Variants in SHANK2 observed in about 807,000 individuals in gnomAD.
SHANK2 encodes the protein SH3 and multiple ankyrin repeat domains 2.
A neutral mutation model predicts 133.7 loss-of-function variants in SHANK2; 43 were observed. The observed-to-expected ratio is 0.32, with a 90% CI of 0.25 to 0.41. The LOEUF (loss-of-function observed/expected upper bound fraction) is 0.41. Ranked by LOEUF, SHANK2 falls within the 10% of genes least tolerant of loss-of-function variation. SHANK2 has a pLI of 1.00. For synonymous variants in SHANK2, 1,017 were observed against 952.8 expected (o/e 1.07, Z -1.24); for missense variants, 1,994 against 2,235.8 (o/e 0.89, Z 2.18).
chr11:70,599,909 A>AAAAGAAAGAAAG lies in SHANK2; in HGVS notation c.2061+59918_2061+59919insCTTTCTTTCTTT, dbSNP rs1565166311. Among the ~76,000 whole-genome samples, 155 of 37,496 alleles carry AAAAGAAAGAAAG rather than the reference A, an allele frequency of 4.1e-3. 2 individuals carry two copies. The highest frequency in any genetic ancestry group is 8.8e-3 in the African/African-American group (75 of 8,542). The allele number at this position is 37,496 out of a possible 152,430, so 24.6% of individuals were successfully genotyped here. A position where few individuals can be genotyped will look rare whatever the true frequency, so the allele number is the denominator to read the frequency against. ...AAAGAAAAAGAAAGAAAGAAAGAGA[A>AAAAGAAAGAAAG]AGAAAGAAAGAAAGAAAGAAAGAAA... On this transcript the variant is annotated intron_variant, in intron 17 of 25. Coordinates refer to ENST00000601538, the MANE Select transcript of SHANK2 (RefSeq NM_012309.5).
intron 10 of SHANK2, among the ~76,000 whole-genome samples, chr11:70,903,249 C>T (rs1449522862): frequency 6.6e-6 from 1 of 151,892 alleles, no homozygotes; most frequent in African/African-American, 2.4e-5. Context: ...TGGTGGCTGG[C>T]ACCTGTAATC....
intron 8 of SHANK2, among the ~76,000 whole-genome samples, chr11:71,085,876 TTTATATAACCTTAATATATATATTA>T (rs1951393412): frequency 6.5e-3 from 1 of 154 alleles, no homozygotes; most frequent in African/African-American, 0.013. Context: ...ATATTATATA[TTTATATAACCTTAATATATATATTA>T]ATTATATATT....
At chr11:71,114,465 C>A (rs530848933) in intron 4 of SHANK2, among the ~76,000 whole-genome samples, 1 of 152,212 alleles carries the variant, frequency 6.6e-6, no homozygotes, top group African/African-American at 2.4e-5. Flanking sequence ...TTCTCCACCA[C>A]GCCAAACAAA....
intron 10 of SHANK2, among the ~76,000 whole-genome samples, chr11:70,925,552 C>A (rs1555081424): frequency 6.6e-6 from 1 of 152,226 alleles, no homozygotes; most frequent in Non-Finnish European, 1.5e-5. Context: ...TGAATCAAAT[C>A]ATTCCTATGG....
At chr11:70,702,782 A>G (rs1945565169) in intron 14 of SHANK2, among the ~76,000 whole-genome samples, 1 of 152,262 alleles carries the variant, frequency 6.6e-6, no homozygotes, top group South Asian at 2.1e-4. Context: ...TTACAGAAGT[A>G]GCAGAGTGCA....
intron 13 of SHANK2, among the ~76,000 whole-genome samples, chr11:70,802,803 G>A (rs1948074737): frequency 6.6e-6 from 1 of 152,174 alleles, no homozygotes; most frequent in Admixed American, 6.5e-5. Context: ...CATTGGCAAT[G>A]CTATGTCATG....
chr11:70,643,920 G>C (rs74554279), intron 17 of SHANK2, among the ~76,000 whole-genome samples: 16,847 of 151,830 alleles, frequency 0.11, 1,437 homozygotes, highest in African/African-American at 0.24. Context: ...CAGGTGGAGG[G>C]GGGGGAGGAA....
chr11:70,619,610 C>T (rs1396957702), intron 17 of SHANK2, among the ~76,000 whole-genome samples: 2 of 152,186 alleles, frequency 1.3e-5, no homozygotes, highest in East Asian at 1.9e-4. Context: ...GGGATAAGCA[C>T]GTGGACATCT....
At chr11:71,215,377 T>A (rs1954386254) in intron 2 of SHANK2, among the ~76,000 whole-genome samples, 1 of 152,124 alleles carries the variant, frequency 6.6e-6, no homozygotes. Context: ...ATCTCAAGGC[T>A]TTGTGTCTCC....
intron 17 of SHANK2, chr11:70,603,343 T>A (rs1372992803): frequency 7.2e-5 from 11 of 152,328 alleles, no homozygotes; most frequent in Admixed American, 7.2e-4. Context: ...GCCACAGCCA[T>A]CACCGCTCCT....
intron 17 of SHANK2, among the ~76,000 whole-genome samples, chr11:70,617,222 TGTG>T (rs2060758070): frequency 1.3e-5 from 2 of 151,472 alleles, no homozygotes; most frequent in African/African-American, 2.4e-5. Context: ...CTGAGTGTGT[TGTG>T]TGTGTGTGCA....
intron 14 of SHANK2, among the ~76,000 whole-genome samples, chr11:70,744,366 C>T (rs1348311228): frequency 6.6e-6 from 1 of 152,208 alleles, no homozygotes; most frequent in Non-Finnish European, 1.5e-5. Flanking sequence ...GTGGGGAACC[C>T]TGCCGGGCCC....
chr11:71,159,299 T>C (rs1952964247), intron 2 of SHANK2, among the ~76,000 whole-genome samples: 1 of 152,138 alleles, frequency 6.6e-6, no homozygotes, highest in Non-Finnish European at 1.5e-5. Context: ...TCAAAGTGGG[T>C]CACTCCTATC....
chr11:70,535,979 GCTGGGCCTGAAGCCAGACCAGCCCTA>G lies in SHANK2; in HGVS notation c.2062-33074_2062-33049del, dbSNP rs537523147. ...GGTTGACTGAGGGGGCTGCGTGGGG[GCTGGGCCTGAAGCCAGACCAGCCCTA>G]CAGGGCCCAACTCTCTGCAGGTGCA... is the stretch of plus-strand genomic sequence containing the variant. On this transcript the variant is annotated intron_variant, in intron 17 of 25. Coordinates refer to ENST00000601538, the MANE Select transcript of SHANK2 (RefSeq NM_012309.5). The surrounding 1 kb of genome is among the most constrained non-coding windows in gnomAD (Gnocchi z 4.3). 1.9e-3 allele frequency among the ~76,000 whole-genome samples: 295 copies of G among 152,344 alleles called. 3 individuals are homozygous for G. The highest frequency in any genetic ancestry group is 6.7e-3 in the African/African-American group (278 of 41,582).
chr11:71,170,851 A>C (rs1953299334), intron 2 of SHANK2, among the ~76,000 whole-genome samples: 1 of 152,224 alleles, frequency 6.6e-6, no homozygotes, highest in Non-Finnish European at 1.5e-5. Flanking sequence ...GCTTTAGGAA[A>C]TGCGATGGTC....
chr11:70,525,133 G>C (rs1027815565), intron 17 of SHANK2, among the ~76,000 whole-genome samples: 2 of 152,238 alleles, frequency 1.3e-5, no homozygotes, highest in Non-Finnish European at 2.9e-5. Context: ...AAACAGGGAC[G>C]CGTGTGGAGG....
At chr11:70,863,818 G>C in intron 11 of SHANK2, 2 of 457,774 alleles carry the variant, frequency 4.4e-6, no homozygotes, top group Non-Finnish European at 8.8e-6. Context: ...AGGAAACCTG[G>C]ACAGACAGGA....
At chr11:70,598,720 A>T (rs1770106993) in intron 17 of SHANK2, among the ~76,000 whole-genome samples, 1 of 152,278 alleles carries the variant, frequency 6.6e-6, no homozygotes, top group Non-Finnish European at 1.5e-5. Flanking sequence ...TTACTACATC[A>T]TGACAAGTCG....
Position 70,486,619 on chromosome 11 carries a change from C to G in SHANK2, c.3674G>C (p.Arg1225Pro). 1 of 1,613,430 alleles carries G rather than the reference C, an allele frequency of 6.2e-7. No homozygotes were observed. Among genetic ancestry groups the G allele is most frequent in the Non-Finnish European group, 8.5e-7 (1 of 1,180,018 alleles). The part of the protein sequence containing the change: ...PLALALSARD[R>P]AMKESQQGPK... ...TCCCTGTTGAGACTCCTTCATGGCTCGGTCCCTTGCGGAGAGTGCCAGGGC... is the reference window on the plus strand; with the variant it reads ...TCCCTGTTGAGACTCCTTCATGGCTGGGTCCCTTGCGGAGAGTGCCAGGGC... The change falls in exon 25 of 26, where the codon CGA becomes CCA. Residue 1225 changes from arginine to proline, a missense_variant. Physicochemically the swap from Arg to Pro is moderately radical, Grantham distance 103 (BLOSUM62 -2). Coordinates refer to ENST00000601538, the MANE Select transcript of SHANK2 (RefSeq NM_012309.5). The surrounding 1 kb of genome is among the most constrained non-coding windows in gnomAD (Gnocchi z 8.0).
Sources: allele counts gnomAD v4.1 joint callset (sites outside exome capture counted in the v4.1 genomes callset), GRCh38; gene constraint gnomAD v4.1.1; non-coding constraint Gnocchi (gnomAD v3.1); transcripts MANE v1.5; gene names NCBI Gene and HGNC (gene_info 2026-07-23, HGNC 2026-07-21).